KCNIP4: variants seen among roughly 807,000 people sequenced by gnomAD.
The protein encoded by KCNIP4 is potassium voltage-gated channel interacting protein 4.
KCNIP4 carries 12 observed loss-of-function variants against 34.0 expected under a neutral mutation model. The ratio of observed to expected loss-of-function variants is 0.35; its 90% CI spans 0.23 to 0.57. KCNIP4 has a LOEUF of 0.57. Among genes scored for constraint, KCNIP4 ranks in the 20% least tolerant of loss-of-function variants. KCNIP4 has a pLI of 0.83. For synonymous variants in KCNIP4, 124 were observed against 102.2 expected, an observed-to-expected ratio of 1.21 and a Z score of -1.29; for missense variants, 238 against 311.7, an observed-to-expected ratio of 0.76 and a Z score of 1.78.
chr4:20,845,530 G>A (rs1177347010), intron 3 of KCNIP4, among the ~76,000 whole-genome samples: 6 of 152,018 alleles, frequency 3.9e-5, no homozygotes, highest in South Asian at 4.2e-4. Flanking sequence ...GACTCAGCCC[G>A]CTCACATCCA....
chr4:21,172,398 A>T (rs1754079268), intron 1 of KCNIP4, among the ~76,000 whole-genome samples: 1 of 152,214 alleles, frequency 6.6e-6, no homozygotes. Context: ...ATAGAAAGTA[A>T]CCTTATTTTA....
chr4:21,018,993 ATTT>A (rs1193605044), intron 1 of KCNIP4, among the ~76,000 whole-genome samples: 1 of 152,106 alleles, frequency 6.6e-6, no homozygotes, highest in Non-Finnish European at 1.5e-5. Flanking sequence ...ACAGAAGTGT[ATTT>A]TCTCACTCTT....
chr4:21,704,668 C>G (rs1483356944), intron 1 of KCNIP4, among the ~76,000 whole-genome samples: 1 of 152,050 alleles, frequency 6.6e-6, no homozygotes, highest in Non-Finnish European at 1.5e-5. Context: ...GTTATTACTA[C>G]ACATCTATTA....
chr4:20,763,921 C>A (rs1325998405), intron 3 of KCNIP4, among the ~76,000 whole-genome samples: 2 of 152,056 alleles, frequency 1.3e-5, no homozygotes, highest in African/African-American at 4.8e-5. Context: ...TCCCAGGTGT[C>A]ATTTTTAAAG....
At chr4:21,137,348 C>T (rs1028656587) in intron 1 of KCNIP4, among the ~76,000 whole-genome samples, 1 of 152,176 alleles carries the variant, frequency 6.6e-6, no homozygotes, top group Non-Finnish European at 1.5e-5. Flanking sequence ...TAAATCCCTT[C>T]CAATGGTTTC....
intron 1 of KCNIP4, among the ~76,000 whole-genome samples, chr4:21,630,324 G>A (rs897383057): frequency 3.3e-5 from 5 of 151,764 alleles, no homozygotes; most frequent in African/African-American, 1.2e-4. Flanking sequence ...AATTAGCTGG[G>A]CCTGGTGGCA....
In KCNIP4 at chr4:21,119,276, T is replaced by C. The variant is rs565786196; in HGVS notation, c.62-236567A>G. The stretch of plus-strand genomic sequence containing the variant: ...TAGCTTCCTCCAGGCTCCAGAGACA[T>C]TGGTGCAAATGTCTTATTGAAATTA... On this transcript the variant is annotated intron_variant, in intron 1 of 8. Coordinates refer to ENST00000382152, the MANE Select transcript of KCNIP4 (RefSeq NM_025221.6). Among the ~76,000 whole-genome samples the C allele has an allele frequency of 3.9e-5, 6 of 152,094 alleles. No individual in the cohort carries two copies. In the South Asian group the frequency reaches 1.2e-3, roughly 32 times the overall value.
intron 1 of KCNIP4, among the ~76,000 whole-genome samples, chr4:20,984,667 C>G (rs1057461121): frequency 1.3e-5 from 2 of 152,206 alleles, no homozygotes; most frequent in Non-Finnish European, 2.9e-5. Flanking sequence ...ACGTCGGGCG[C>G]ATTATCAGGG....
At chr4:21,062,988 G>A (rs889507298) in intron 1 of KCNIP4, among the ~76,000 whole-genome samples, 1 of 152,056 alleles carries the variant, frequency 6.6e-6, no homozygotes, top group Admixed American at 6.6e-5. Context: ...GCACCCCATG[G>A]CCCAGTCAAG....
chr4:21,408,424 A>G (rs886990178), intron 1 of KCNIP4, among the ~76,000 whole-genome samples: 3 of 152,194 alleles, frequency 2.0e-5, no homozygotes, highest in African/African-American at 7.2e-5. Flanking sequence ...CAGAGGAGAA[A>G]GAGAAGCCAA....
chr4:21,758,307 AAAC>A (rs1382179195), intron 1 of KCNIP4, among the ~76,000 whole-genome samples: 5 of 152,204 alleles, frequency 3.3e-5, no homozygotes, highest in African/African-American at 1.2e-4. Flanking sequence ...GAAGACAATA[AAAC>A]AAAATAATGT....
chr4:21,936,521 G>A lies in KCNIP4; in HGVS notation c.61+12050C>T, dbSNP rs190678443. Among the ~76,000 whole-genome samples, 454 of 152,170 alleles carry A rather than the reference G, an allele frequency of 3.0e-3. 2 individuals are homozygous for A. Among genetic ancestry groups the A allele is most frequent in the African/African-American group, 0.01 (430 of 41,542 alleles). On this transcript the variant is annotated intron_variant, in intron 1 of 8. Coordinates refer to ENST00000382152, the MANE Select transcript of KCNIP4 (RefSeq NM_025221.6). The stretch of plus-strand genomic sequence containing the variant: ...TAATACAAGAGGCACAGGATGGGTT[G>A]TTATATTAGATGAAGTCATCAGAGA...
intron 1 of KCNIP4, among the ~76,000 whole-genome samples, chr4:21,543,037 A>G (rs1237468675): frequency 1.3e-5 from 2 of 152,050 alleles, no homozygotes. Flanking sequence ...AACTTACGTT[A>G]CTAAAGGAAA....
chr4:21,248,094 G>A (rs539929845), intron 1 of KCNIP4, among the ~76,000 whole-genome samples: 24 of 148,326 alleles, frequency 1.6e-4, no homozygotes, highest in Non-Finnish European at 3.3e-4. Flanking sequence ...CACAGCATGA[G>A]TACACATGCA....
intron 1 of KCNIP4, among the ~76,000 whole-genome samples, chr4:21,823,844 G>A (rs111745745): frequency 6.6e-6 from 1 of 152,048 alleles, no homozygotes; most frequent in Non-Finnish European, 1.5e-5. Context: ...AATGACCACC[G>A]ATTTTTCCCA....
intron 1 of KCNIP4, among the ~76,000 whole-genome samples, chr4:21,188,011 G>C (rs1447344089): frequency 2.0e-5 from 3 of 152,142 alleles, no homozygotes; most frequent in Non-Finnish European, 4.4e-5. Context: ...CCAATTCCCA[G>C]TTCATCAGGT....
chr4:21,370,850 TACACACACACACAC>T (rs376590317), intron 1 of KCNIP4, among the ~76,000 whole-genome samples: 1 of 14,852 alleles, frequency 6.7e-5, no homozygotes, highest in African/African-American at 3.0e-4. Flanking sequence ...TATATATATA[TACACACACACACAC>T]ACACACACAC....
At chr4:21,624,903 A>G (rs906017929) in intron 1 of KCNIP4, among the ~76,000 whole-genome samples, 1 of 152,148 alleles carries the variant, frequency 6.6e-6, no homozygotes, top group African/African-American at 2.4e-5. Context: ...TACTGAGATT[A>G]GAGTTCCCCT....
At chr4:21,428,325 C>A (rs1726109197) in intron 1 of KCNIP4, among the ~76,000 whole-genome samples, 1 of 152,192 alleles carries the variant, frequency 6.6e-6, no homozygotes, top group Admixed American at 6.5e-5. Flanking sequence ...GCCAGTAACA[C>A]AATTGTCCAG....
Sources: allele counts gnomAD v4.1 joint callset (sites outside exome capture counted in the v4.1 genomes callset), GRCh38; gene constraint gnomAD v4.1.1; transcripts MANE v1.5; gene names NCBI Gene and HGNC (gene_info 2026-07-23, HGNC 2026-07-21).